The following ANKRD18A variants were observed in gnomAD, a reference collection of about 807,000 sequenced individuals.
ANKRD18A encodes ankyrin repeat domain 18A, also known as ankyrin repeat domain-containing protein 18A.
ANKRD18A carries 72 observed loss-of-function variants against 110.6 expected under a neutral mutation model. That is an observed-to-expected ratio of 0.65 (90% confidence interval 0.54 to 0.79). ANKRD18A has a LOEUF of 0.79. Among genes scored for constraint, ANKRD18A ranks in the 30% least tolerant of loss-of-function variants. The pLI is 0.00. For missense variants in ANKRD18A, 934 were observed against 1,163.3 expected, an observed-to-expected ratio of 0.80 and a Z score of 2.87; for synonymous variants, 305 against 410.3, an observed-to-expected ratio of 0.74 and a Z score of 3.10.
At chr9:38,618,050 A>C (rs1368827665) in intron 1 of ANKRD18A, among the ~76,000 whole-genome samples, 1 of 152,174 alleles carries the variant, frequency 6.6e-6, no homozygotes, top group Non-Finnish European at 1.5e-5. Flanking sequence ...TAAAATCTGC[A>C]AGCACAGATA....
rs758423746 is a variant in ANKRD18A at position 38,575,472 on chromosome 9, T to C, written c.2964+4A>G. The C allele has an allele frequency of 2.6e-6, 4 of 1,549,156 alleles. No individual in the cohort carries two copies. In the South Asian group the frequency reaches 4.8e-5, roughly 19 times the overall value. On this transcript the variant is annotated splice_donor_region_variant and intron_variant, in intron 15 of 15. Coordinates refer to ENST00000399703, the MANE Select transcript of ANKRD18A (RefSeq NM_147195.4). ...CCCAAAAGAGAAATGGTCATATAAC[T>C]AACCTCAGTCAAGAAGTTCTTGCAG...
chr9:38,585,900 C>T (rs1178176927), intron 12 of ANKRD18A, among the ~76,000 whole-genome samples: 11 of 152,190 alleles, frequency 7.2e-5, no homozygotes, highest in South Asian at 2.1e-4. Flanking sequence ...AGCACACTAA[C>T]GCAGGAACAA....
At chr9:38,599,367 C>A (rs1379087788) in intron 8 of ANKRD18A, among the ~76,000 whole-genome samples, 2 of 152,168 alleles carry the variant, frequency 1.3e-5, no homozygotes, top group Non-Finnish European at 2.9e-5. Context: ...AAGTTTGTCC[C>A]TCTTTAGAGT....
intron 9 of ANKRD18A, among the ~76,000 whole-genome samples, chr9:38,594,886 G>A (rs1251116286): frequency 3.4e-4 from 51 of 152,042 alleles, no homozygotes; most frequent in Admixed American, 2.2e-3. Flanking sequence ...CTTAAAATGC[G>A]GCAACATGAA....
At chr9:38,612,508 T>C in intron 3 of ANKRD18A, among the ~76,000 whole-genome samples, 1 of 129,222 alleles carries the variant, frequency 7.7e-6, no homozygotes, top group Non-Finnish European at 1.6e-5. Context: ...GTCACTTGCA[T>C]TTTTTTCTTT....
intron 8 of ANKRD18A, 74 bp downstream of exon 8, chr9:38,601,057 G>T (rs1825098733): frequency 7.5e-7 from 1 of 1,325,166 alleles, no homozygotes; most frequent in East Asian, 2.5e-5. Context: ...CACTTCATTT[G>T]GCCTATGCTA....
intron 7 of ANKRD18A, 21 bp downstream of exon 7, chr9:38,603,138 T>G: frequency 6.5e-7 from 1 of 1,527,486 alleles, no homozygotes; most frequent in Admixed American, 2.0e-5. Flanking sequence ...TGGTTAGGAG[T>G]AGAGAACTCA....
chr9:38,588,234 C>T (rs150247959), intron 11 of ANKRD18A, among the ~76,000 whole-genome samples: 3,527 of 152,186 alleles, frequency 0.023, 87 homozygotes, highest in African/African-American at 0.056. Context: ...AGCTGACTTC[C>T]ACCCCGTTTC....
At chr9:38,606,977 G>T (rs1245039771) in intron 6 of ANKRD18A, among the ~76,000 whole-genome samples, 1 of 151,880 alleles carries the variant, frequency 6.6e-6, no homozygotes, top group Non-Finnish European at 1.5e-5. Context: ...CTAAACTAAA[G>T]AAATTAAATT....
At chr9:38,570,937 G>C (rs1823616747), downstream of ANKRD18A, among the ~76,000 whole-genome samples, 1 of 152,202 alleles carries the variant, frequency 6.6e-6, no homozygotes, top group Admixed American at 6.5e-5. Flanking sequence ...AGGAAGGGAG[G>C]GACATTTGGC....
chr9:38,575,759 A>C (rs1228368520), intron 14 of ANKRD18A, 61 bp from the exon 15 acceptor site: 1 of 1,475,800 alleles, frequency 6.8e-7, no homozygotes, highest in Non-Finnish European at 9.0e-7. Context: ...ATTCTTAATG[A>C]CTTGCATTTT....
At chr9:38,613,869 G>A (rs995850137) in intron 3 of ANKRD18A, among the ~76,000 whole-genome samples, 2 of 152,162 alleles carry the variant, frequency 1.3e-5, no homozygotes, top group Admixed American at 1.3e-4. Flanking sequence ...TGGTGACAAA[G>A]GAACATGAAA....
At chr9:38,588,190 A>C (rs923128487) in intron 11 of ANKRD18A, among the ~76,000 whole-genome samples, 4 of 152,204 alleles carry the variant, frequency 2.6e-5, no homozygotes, top group Non-Finnish European at 5.9e-5. Flanking sequence ...TTTTTAATAT[A>C]AATTTTTTCA....
intron 14 of ANKRD18A, among the ~76,000 whole-genome samples, chr9:38,575,931 T>C (rs1443413511): frequency 6.6e-6 from 1 of 152,190 alleles, no homozygotes; most frequent in Non-Finnish European, 1.5e-5. Flanking sequence ...CAGTTCAAAG[T>C]GGACAGGGAA....
intron 10 of ANKRD18A, among the ~76,000 whole-genome samples, chr9:38,590,654 G>A (rs895261013): frequency 2.0e-5 from 3 of 152,206 alleles, no homozygotes; most frequent in African/African-American, 7.2e-5. Flanking sequence ...GATATGGCAT[G>A]ATGAACATCT....
chr9:38,614,293 G>A (rs1825767048), intron 3 of ANKRD18A, among the ~76,000 whole-genome samples: 1 of 135,592 alleles, frequency 7.4e-6, no homozygotes, highest in Non-Finnish European at 1.5e-5. Context: ...TTTTAGTAGA[G>A]ACGGGGTTTC....
chr9:38,588,239 C>T (rs542978626), intron 11 of ANKRD18A, among the ~76,000 whole-genome samples: 15 of 152,046 alleles, frequency 9.9e-5, no homozygotes, highest in African/African-American at 3.1e-4. Flanking sequence ...ACTTCCACCC[C>T]GTTTCTCCCC....
intron 10 of ANKRD18A, among the ~76,000 whole-genome samples, chr9:38,588,867 C>T (rs1381242556): frequency 6.6e-6 from 1 of 152,132 alleles, no homozygotes; most frequent in Non-Finnish European, 1.5e-5. Flanking sequence ...TTCATCATTA[C>T]CTTTTCTGAA....
In ANKRD18A at chr9:38,612,521, C is replaced by CTTTTTT. The variant is rs767816627; in HGVS notation, c.496-1206_496-1201dup. On this transcript the variant is annotated intron_variant, in intron 3 of 15. Transcript: ENST00000399703. ...AAGTCACTTGCATTTTTTTCTTTTTCTTTTTTTTTTTTTGGAAATGGGGTC... is the reference window on the plus strand; with the variant it reads ...AAGTCACTTGCATTTTTTTCTTTTTCTTTTTTTTTTTTTTTTTTTGGAAATGGGGTC... Among the ~76,000 whole-genome samples the CTTTTTT allele has an allele frequency of 4.3e-3, 532 of 124,258 alleles. 16 individuals are homozygous for CTTTTTT. Among genetic ancestry groups the CTTTTTT allele is most frequent in the African/African-American group, 0.016 (494 of 30,004 alleles). The allele number at this position is 124,258 out of a possible 152,430, so 81.5% of individuals were successfully genotyped here.
Sources: allele counts gnomAD v4.1 joint callset (sites outside exome capture counted in the v4.1 genomes callset), GRCh38; gene constraint gnomAD v4.1.1; transcripts MANE v1.5; gene names NCBI Gene and HGNC (gene_info 2026-07-23, HGNC 2026-07-21).